Variants in SLC30A6 observed in about 807,000 individuals in gnomAD.
SLC30A6 encodes the protein zinc transporter 6.
SLC30A6 carries 55 observed loss-of-function variants against 63.0 expected under a neutral mutation model. The observed-to-expected ratio is 0.87, with a 90% CI of 0.70 to 1.09. The LOEUF is 1.09. Ranked by LOEUF, SLC30A6 falls within the 50% of genes least tolerant of loss-of-function variation. SLC30A6 has a pLI of 0.00. For synonymous variants in SLC30A6, 224 were observed against 186.1 expected (o/e 1.20, Z -1.66); for missense variants, 587 against 549.2 (o/e 1.07, Z -0.69).
At chr2:32,173,375 CT>C (rs1193864679) in intron 2 of SLC30A6, among the ~76,000 whole-genome samples, 406 of 141,176 alleles carry the variant, frequency 2.9e-3, no homozygotes, top group South Asian at 0.011. Context: ...AAAGTCAGTA[CT>C]TTTTTTTTTT....
chr2:32,208,376 C>A (rs1684966086), intron 12 of SLC30A6, among the ~76,000 whole-genome samples: 1 of 152,012 alleles, frequency 6.6e-6, no homozygotes, highest in Non-Finnish European at 1.5e-5. Flanking sequence ...AATGATCCGC[C>A]CCTTGTGACC....
At chr2:32,170,245 A>G (rs1260587635) in intron 1 of SLC30A6, among the ~76,000 whole-genome samples, 2 of 152,226 alleles carry the variant, frequency 1.3e-5, no homozygotes, top group African/African-American at 4.8e-5. Flanking sequence ...TTTTAAAAAT[A>G]ACAACAGAGT....
chr2:32,201,633 GA>G, intron 10 of SLC30A6: 1 of 1,516,010 alleles, frequency 6.6e-7, no homozygotes, highest in Non-Finnish European at 8.9e-7. Flanking sequence ...GTACATTATG[GA>G]ACTGGAAGCA....
chr2:32,197,331 T>C lies in SLC30A6; in HGVS notation c.497-13T>C. On this transcript the variant is annotated splice_polypyrimidine_tract_variant and intron_variant, in intron 8 of 13. Coordinates refer to ENST00000282587, the MANE Select transcript of SLC30A6 (RefSeq NM_017964.5). Reference sequence around the variant, plus strand: ...TCTTCTATATAGATAATTTAAGTATTTTCTTCTTAAAGCTGCTAGTACGAG... The same window carrying C: ...TCTTCTATATAGATAATTTAAGTATCTTCTTCTTAAAGCTGCTAGTACGAG... 6.2e-7 allele frequency: 1 copy of C among 1,607,336 alleles called. No individual in the cohort carries two copies. The highest frequency in any genetic ancestry group is 1.7e-5 in the Admixed American group (1 of 59,250).
rs1558436371 is a variant in SLC30A6 at position 32,220,942 on chromosome 2, T to G, written c.*229T>G. Reference sequence around the variant, plus strand: ...AATAGGCTTCCTTTAGAAAATGTGTTTCTTTAAATTTGGATTTTGGTATCT... The same window carrying G: ...AATAGGCTTCCTTTAGAAAATGTGTGTCTTTAAATTTGGATTTTGGTATCT... On this transcript the variant is annotated 3_prime_UTR_variant, in exon 14 of 14. Coordinates refer to ENST00000282587, the MANE Select transcript of SLC30A6 (RefSeq NM_017964.5). 2 of 463,188 alleles carry G rather than the reference T, an allele frequency of 4.3e-6. No individual in the cohort carries two copies. Among genetic ancestry groups the G allele is most frequent in the Non-Finnish European group, 7.6e-6 (2 of 263,706 alleles). The allele number at this position is 463,188 out of a possible 1,614,324, so 28.7% of individuals were successfully genotyped here.
In SLC30A6 at chr2:32,175,299, A is replaced by G. The variant is rs767343787; in HGVS notation, c.176-20A>G. On this transcript the variant is annotated intron_variant, in intron 3 of 13. Transcript: ENST00000282587. ...AGAGGGGTCAGTAATACTTTTAATCATTTTTTTGTTGTTTTGCAGCTTTAA... is the reference window on the plus strand; with the variant it reads ...AGAGGGGTCAGTAATACTTTTAATCGTTTTTTTGTTGTTTTGCAGCTTTAA... 1 of 1,608,132 alleles carries G rather than the reference A, an allele frequency of 6.2e-7. No homozygotes were observed. The highest frequency in any genetic ancestry group is 2.2e-5 in the East Asian group (1 of 44,710).
chr2:32,205,786 G>A (rs1258400156), intron 11 of SLC30A6, among the ~76,000 whole-genome samples: 1 of 146,532 alleles, frequency 6.8e-6, no homozygotes, highest in Non-Finnish European at 1.5e-5. Context: ...TCCTACCTCA[G>A]CATCCCGAGT....
At chr2:32,191,318 A>G (rs1205721286) in intron 5 of SLC30A6, among the ~76,000 whole-genome samples, 1 of 152,106 alleles carries the variant, frequency 6.6e-6, no homozygotes, top group Non-Finnish European at 1.5e-5. Context: ...GTCAATAAAT[A>G]CTTTTTTTGT....
At chr2:32,207,675 G>A (rs1205789296) in intron 12 of SLC30A6, among the ~76,000 whole-genome samples, 4 of 122,310 alleles carry the variant, frequency 3.3e-5, no homozygotes, top group South Asian at 2.7e-4. Flanking sequence ...CGCCTGGCCC[G>A]CCCAACTAAC....
At chr2:32,201,010 A>G (rs1255766297) in intron 10 of SLC30A6, among the ~76,000 whole-genome samples, 2 of 152,114 alleles carry the variant, frequency 1.3e-5, no homozygotes, top group Admixed American at 6.6e-5. Flanking sequence ...GCCCCTGCAC[A>G]TGCTGCTTTC....
In SLC30A6 at chr2:32,224,344, T is replaced by A; in HGVS notation, c.*3631T>A. The A allele has an allele frequency of 1.5e-6, 1 of 650,986 alleles. No homozygotes were observed. The allele number at this position is 650,986 out of a possible 1,614,324, so 40.3% of individuals were successfully genotyped here. A position where few individuals can be genotyped will look rare whatever the true frequency, so the allele number is the denominator to read the frequency against. On this transcript the variant is annotated 3_prime_UTR_variant, in exon 14 of 14. Transcript: ENST00000282587. ...CTAAGACACAAAACTGTTGCATGTT[T>A]TTAATCATCAAATTAAACTTCTTTC...
At chr2:32,209,653 A>T in intron 13 of SLC30A6, 92 bp downstream of exon 13, 1 of 1,017,138 alleles carries the variant, frequency 9.8e-7, no homozygotes, top group South Asian at 1.6e-5. Flanking sequence ...AAATTTTTAT[A>T]GAGCCTTTGA....
intron 11 of SLC30A6, among the ~76,000 whole-genome samples, chr2:32,204,984 A>T (rs762780541): frequency 2.0e-4 from 31 of 151,744 alleles, no homozygotes; most frequent in African/African-American, 4.1e-4. Context: ...GCTAATTTTT[A>T]AAAATATTTG....
In SLC30A6 at chr2:32,219,409, T is replaced by C. The variant is rs185159206; in HGVS notation, c.886-804T>C. ...CCCTCTCTTCTCTCTCCCTCCTCCT[T>C]CTTCTGCCCCCTGAAATACTTGGAC... On this transcript the variant is annotated intron_variant, in intron 13 of 13. Coordinates refer to ENST00000282587, the MANE Select transcript of SLC30A6 (RefSeq NM_017964.5). Among the ~76,000 whole-genome samples, 13 of 151,958 alleles carry C rather than the reference T, an allele frequency of 8.6e-5. 1 individual carries two copies. Among genetic ancestry groups the C allele is most frequent in the Admixed American group, 7.9e-4 (12 of 15,212 alleles).
intron 7 of SLC30A6, 106 bp downstream of exon 7, chr2:32,193,059 C>T (rs533535475): frequency 5.4e-4 from 374 of 687,414 alleles, no homozygotes; most frequent in South Asian, 8.5e-4. Context: ...GGCAACATAA[C>T]GTTTTTGCTG....
chr2:32,197,255 TTTA>T, intron 8 of SLC30A6, 86 bp from the exon 9 acceptor site: 1 of 1,213,134 alleles, frequency 8.2e-7, no homozygotes, highest in Non-Finnish European at 1.2e-6. Context: ...CACTGCCAAA[TTTA>T]TTTTTTAAAA....
intron 4 of SLC30A6, among the ~76,000 whole-genome samples, chr2:32,176,911 T>C (rs1017512411): frequency 1.3e-5 from 2 of 151,870 alleles, no homozygotes; most frequent in Non-Finnish European, 2.9e-5. Flanking sequence ...TAGCTGGGAA[T>C]ACAGACATGC....
chr2:32,188,737 T>C (rs1011991802), intron 5 of SLC30A6, among the ~76,000 whole-genome samples: 7 of 152,196 alleles, frequency 4.6e-5, no homozygotes, highest in Admixed American at 4.6e-4. Context: ...TTTTCTGTAA[T>C]ATCTTTGTGC....
chr2:32,181,238 A>C (rs1230140714), intron 4 of SLC30A6, among the ~76,000 whole-genome samples: 1 of 152,230 alleles, frequency 6.6e-6, no homozygotes, highest in African/African-American at 2.4e-5. Flanking sequence ...AATGGGAAGT[A>C]AATTCGATCA....
Sources: allele counts gnomAD v4.1 joint callset (sites outside exome capture counted in the v4.1 genomes callset), GRCh38; gene constraint gnomAD v4.1.1; transcripts MANE v1.5; gene names NCBI Gene and HGNC (gene_info 2026-07-23, HGNC 2026-07-21).